Variants in PRKCA observed in about 807,000 individuals in gnomAD.
PRKCA encodes protein kinase C alpha type.
PRKCA carries 27 observed loss-of-function variants against 87.0 expected under a neutral mutation model. That is an observed-to-expected ratio of 0.31 (90% CI 0.23 to 0.43). The LOEUF is 0.43. Ranked by LOEUF, PRKCA falls within the 20% of genes least tolerant of loss-of-function variation. PRKCA has a pLI of 1.00. For synonymous variants in PRKCA, 329 were observed against 311.1 expected (o/e 1.06, Z -0.61); for missense variants, 518 against 852.3 (o/e 0.61, Z 4.88).
chr17:66,307,235 C>T (rs1402828440), intron 2 of PRKCA, among the ~76,000 whole-genome samples: 2 of 152,066 alleles, frequency 1.3e-5, no homozygotes, highest in Non-Finnish European at 2.9e-5. Flanking sequence ...GTATCATTTT[C>T]AGAGTTGCAT....
intron 2 of PRKCA, among the ~76,000 whole-genome samples, chr17:66,317,726 G>A (rs576137377): frequency 1.0e-3 from 159 of 152,304 alleles, no homozygotes; most frequent in African/African-American, 3.6e-3. Context: ...TTGGCTCACA[G>A]TTGTAAAGAC....
At chr17:66,452,087 T>C (rs376008763) in intron 2 of PRKCA, among the ~76,000 whole-genome samples, 34 of 152,310 alleles carry the variant, frequency 2.2e-4, no homozygotes, top group African/African-American at 7.5e-4. Flanking sequence ...GGCCCCTCCA[T>C]GCAGCAGGGT....
chr17:66,775,788 A>G (rs1317867823), intron 14 of PRKCA: 2 of 981,746 alleles, frequency 2.0e-6, no homozygotes, highest in Non-Finnish European at 2.4e-6. Context: ...TACAATGTGC[A>G]TGGCCATAAG....
At chr17:66,780,358 T>C (rs1229226934) in intron 14 of PRKCA, among the ~76,000 whole-genome samples, 2 of 151,324 alleles carry the variant, frequency 1.3e-5, no homozygotes, top group Non-Finnish European at 2.9e-5. Context: ...ACAAAAAAAC[T>C]CCAAATTATG....
intron 2 of PRKCA, among the ~76,000 whole-genome samples, chr17:66,438,188 C>T (rs541525603): frequency 6.6e-6 from 1 of 152,236 alleles, no homozygotes; most frequent in South Asian, 2.1e-4. Flanking sequence ...GAAAGACCTG[C>T]AGGATTAAAG....
chr17:66,653,211 A>G (rs9911959), intron 5 of PRKCA, among the ~76,000 whole-genome samples: 87,592 of 152,086 alleles, frequency 0.58, 25,298 homozygotes, highest in Admixed American at 0.6. Context: ...AAGAGCTTGT[A>G]TATGACCCCC....
chr17:66,715,075 G>GAGA (rs1162702040), intron 8 of PRKCA, among the ~76,000 whole-genome samples: 1 of 151,804 alleles, frequency 6.6e-6, no homozygotes, highest in African/African-American at 2.4e-5. Flanking sequence ...ATTTTCCGTT[G>GAGA]AGTAGTTGAG....
intron 3 of PRKCA, among the ~76,000 whole-genome samples, chr17:66,561,367 G>A (rs953569094): frequency 3.9e-5 from 6 of 152,212 alleles, no homozygotes; most frequent in African/African-American, 1.4e-4. Context: ...ACTCTGCCAA[G>A]AGAACAGGCA....
chr17:66,792,080 C>T lies in PRKCA; in HGVS notation c.1854+3101C>T, dbSNP rs1323419963. On this transcript the variant is annotated intron_variant, in intron 16 of 16. Transcript: ENST00000413366. The surrounding 1 kb of genome is among the most constrained non-coding windows in gnomAD (Gnocchi z 4.5). ...CGTGAGCCCATTTCTGAGTGGCTCT[C>T]GCCTCTCAGCAGTTCTTATAATCCT... Among the ~76,000 whole-genome samples, 2 of 152,142 alleles carry T rather than the reference C, an allele frequency of 1.3e-5. No individual in the cohort carries two copies. Among genetic ancestry groups the T allele is most frequent in the Non-Finnish European group, 2.9e-5 (2 of 68,028 alleles).
chr17:66,489,094 T>A (rs889371555), intron 2 of PRKCA, among the ~76,000 whole-genome samples: 2 of 151,644 alleles, frequency 1.3e-5, no homozygotes, highest in African/African-American at 4.8e-5. Flanking sequence ...TTTTTGTATT[T>A]AAAAAAAAGA....
chr17:66,338,435 AG>A (rs1031786124), intron 2 of PRKCA, among the ~76,000 whole-genome samples: 1 of 152,058 alleles, frequency 6.6e-6, no homozygotes, highest in Non-Finnish European at 1.5e-5. Flanking sequence ...CTGTTGAGAG[AG>A]GGGGATGAGG....
chr17:66,732,178 T>C (rs1226067129), intron 8 of PRKCA, among the ~76,000 whole-genome samples: 2 of 149,794 alleles, frequency 1.3e-5, no homozygotes, highest in Non-Finnish European at 3.0e-5. Flanking sequence ...CATTTGAAAA[T>C]AGCGATGAAT....
At chr17:66,592,378 T>C (rs8079198) in intron 3 of PRKCA, among the ~76,000 whole-genome samples, 81,290 of 145,898 alleles carry the variant, frequency 0.56, 23,680 homozygotes, top group African/African-American at 0.72. Flanking sequence ...ATTGGCCAAA[T>C]CACCATTTTA....
intron 3 of PRKCA, among the ~76,000 whole-genome samples, chr17:66,625,598 C>T (rs1970831953): frequency 2.0e-5 from 3 of 152,190 alleles, no homozygotes; most frequent in Admixed American, 2.0e-4. Context: ...TTACATTTTA[C>T]CCTTTTTCCT....
At chr17:66,432,461 C>T (rs1014604551) in intron 2 of PRKCA, among the ~76,000 whole-genome samples, 1 of 152,154 alleles carries the variant, frequency 6.6e-6, no homozygotes, top group East Asian at 1.9e-4. Flanking sequence ...TCAGGAGAGA[C>T]CCTCAGGGAG....
intron 3 of PRKCA, among the ~76,000 whole-genome samples, chr17:66,507,522 A>G (rs1051097624): frequency 6.6e-6 from 1 of 152,212 alleles, no homozygotes; most frequent in African/African-American, 2.4e-5. Flanking sequence ...GGAATCATAC[A>G]ATCCTGAGAC....
At chr17:66,745,884 C>G (rs1203355224) in intron 13 of PRKCA, among the ~76,000 whole-genome samples, 1 of 152,134 alleles carries the variant, frequency 6.6e-6, no homozygotes, top group Non-Finnish European at 1.5e-5. Context: ...GCACTGCTCA[C>G]TACACTAAAC....
intron 2 of PRKCA, among the ~76,000 whole-genome samples, chr17:66,433,580 T>C (rs1913214128): frequency 6.6e-6 from 1 of 152,126 alleles, no homozygotes; most frequent in South Asian, 2.1e-4. Context: ...AGTCTTGCTC[T>C]GTCACCCAGG....
At chr17:66,617,468 T>C (rs16959725) in intron 3 of PRKCA, among the ~76,000 whole-genome samples, 1 of 152,088 alleles carries the variant, frequency 6.6e-6, no homozygotes, top group African/African-American at 2.4e-5. Flanking sequence ...GCAAATTTGA[T>C]GATGAACCAG....
Sources: allele counts gnomAD v4.1 joint callset (sites outside exome capture counted in the v4.1 genomes callset), GRCh38; gene constraint gnomAD v4.1.1; non-coding constraint Gnocchi (gnomAD v3.1); transcripts MANE v1.5; gene names NCBI Gene and HGNC (gene_info 2026-07-23, HGNC 2026-07-21).